The following TMEM120B variants were observed in gnomAD, a reference collection of about 807,000 sequenced individuals.
TMEM120B encodes transmembrane protein 120B.
In TMEM120B, 31 loss-of-function variants were observed where a neutral mutation model predicts 55.5. The observed-to-expected ratio is 0.56, with a 90% confidence interval of 0.42 to 0.75. TMEM120B has a LOEUF of 0.75. TMEM120B is among the 30% of genes least tolerant of loss of function. The probability of loss-of-function intolerance (pLI) is 0.00; values close to 1 mark genes in which losing one functional copy is unlikely to be tolerated. For missense variants in TMEM120B, 399 were observed against 425.5 expected, an observed-to-expected ratio of 0.94 and a Z score of 0.55; for synonymous variants, 203 against 176.3, an observed-to-expected ratio of 1.15 and a Z score of -1.20.
chr12:121,763,470 G>A (rs1260366446), intron 6 of TMEM120B, among the ~76,000 whole-genome samples: 1 of 151,756 alleles, frequency 6.6e-6, no homozygotes, highest in African/African-American at 2.4e-5. Flanking sequence ...CCGAGATGGA[G>A]TCTTGTTCTG....
intron 5 of TMEM120B, among the ~76,000 whole-genome samples, chr12:121,754,679 G>T (rs1275122647): frequency 6.6e-6 from 1 of 152,154 alleles, no homozygotes; most frequent in African/African-American, 2.4e-5. Context: ...CTAGACACTG[G>T]ATTTAGAGCC....
intron 1 of TMEM120B, among the ~76,000 whole-genome samples, chr12:121,741,424 G>T (rs1872930553): frequency 6.6e-6 from 1 of 152,122 alleles, no homozygotes; most frequent in South Asian, 2.1e-4. Context: ...GTGCCTCCCG[G>T]GTTCAAGCGA....
In TMEM120B at chr12:121,768,535, C is replaced by T. The variant is rs374654707; in HGVS notation, c.552-2372C>T. 4.1e-4 allele frequency among the ~76,000 whole-genome samples: 63 copies of T among 152,252 alleles called. No individual in the cohort carries two copies. The East Asian group carries it at 7.5e-3, about 18-fold the overall frequency. On this transcript the variant is annotated intron_variant, in intron 6 of 11. Transcript: ENST00000449592. The stretch of plus-strand genomic sequence containing the variant: ...GGAAAAAAAAGAGAAAGCACGTGGG[C>T]GTGTGTGTGGACCCATTTCCCTGCC...
intron 1 of TMEM120B, among the ~76,000 whole-genome samples, chr12:121,730,814 T>C (rs1401566559): frequency 4.0e-5 from 6 of 151,032 alleles, no homozygotes; most frequent in Non-Finnish European, 8.8e-5. Flanking sequence ...AAAAATTAGC[T>C]GGGCATGGTG....
In TMEM120B at chr12:121,776,515, C is replaced by T. The variant is rs1203858172; in HGVS notation, c.*793C>T. On this transcript the variant is annotated 3_prime_UTR_variant, in exon 12 of 12. Coordinates refer to ENST00000449592, the MANE Select transcript of TMEM120B (RefSeq NM_001080825.2). Reference sequence around the variant, plus strand: ...ACCACCTCCCCCCTCCTTCCCAGAGCTTCTGGATGTTGTGGGAGGGAGGTG... The same window carrying T: ...ACCACCTCCCCCCTCCTTCCCAGAGTTTCTGGATGTTGTGGGAGGGAGGTG... The T allele has an allele frequency of 6.6e-6, 1 of 152,278 alleles. No individual in the cohort carries two copies. Among genetic ancestry groups the T allele is most frequent in the Non-Finnish European group, 1.5e-5 (1 of 68,080 alleles). The allele number at this position is 152,278 out of a possible 1,614,324, so 9.4% of individuals were successfully genotyped here.
chr12:121,750,242 C>T, intron 3 of TMEM120B, 138 bp from the exon 4 acceptor site: 2 of 769,242 alleles, frequency 2.6e-6, no homozygotes, highest in Non-Finnish European at 4.6e-6. Context: ...TGTGGGGGCC[C>T]ATTTGCCCGC....
At chr12:121,727,499 G>A (rs573754531) in intron 1 of TMEM120B, among the ~76,000 whole-genome samples, 1 of 141,238 alleles carries the variant, frequency 7.1e-6, no homozygotes, top group African/African-American at 2.6e-5. Context: ...TTGCACCACT[G>A]CCCTTCCAGC....
intron 6 of TMEM120B, among the ~76,000 whole-genome samples, chr12:121,765,086 T>G (rs1322884268): frequency 6.6e-6 from 1 of 151,884 alleles, no homozygotes; most frequent in Admixed American, 6.6e-5. Flanking sequence ...CTCTGCCTCC[T>G]GGGAGCACCC....
rs1380024907 is a variant in TMEM120B, at chr12:121,726,421, T to C, written c.69+13457T>C. Among the ~76,000 whole-genome samples the C allele has an allele frequency of 2.7e-5, 4 of 147,202 alleles. No individual in the cohort carries two copies. The East Asian group carries it at 8.3e-4, about 30-fold the overall frequency. ...GGTGAAACCGCGTCTCTACTAAAAA[T>C]AGAAAAAATTAGCCGGGCATGGTGG... On this transcript the variant is annotated intron_variant, in intron 1 of 11. Transcript: ENST00000449592.
intron 1 of TMEM120B, among the ~76,000 whole-genome samples, chr12:121,717,751 A>G (rs1266564575): frequency 1.3e-5 from 2 of 152,134 alleles, no homozygotes; most frequent in African/African-American, 4.8e-5. Flanking sequence ...TCCGCCTTCC[A>G]GGTTCAAGCG....
chr12:121,722,768 A>G (rs1894818504), intron 1 of TMEM120B, among the ~76,000 whole-genome samples: 1 of 152,182 alleles, frequency 6.6e-6, no homozygotes, highest in Non-Finnish European at 1.5e-5. Flanking sequence ...GGCCCAAGCA[A>G]GAAGTCAATG....
intron 5 of TMEM120B, chr12:121,758,799 C>T (rs950257581): frequency 2.1e-6 from 2 of 974,652 alleles, no homozygotes; most frequent in South Asian, 4.8e-5. Flanking sequence ...GGCCTAGCCC[C>T]GTGCTGTGGT....
Position 121,775,898 on chromosome 12 carries a change from C to T in TMEM120B, c.*176C>T, listed in dbSNP as rs980756086. On this transcript the variant is annotated 3_prime_UTR_variant, in exon 12 of 12. Coordinates refer to ENST00000449592, the MANE Select transcript of TMEM120B (RefSeq NM_001080825.2). This position sits in a 1 kb window ranked among gnomAD's most constrained non-coding sequence, Gnocchi z 4.3. ...CCCCGCCTGTCCGCACAGTGTCCGC[C>T]CACCTATTTATGACATATTTAATGC... The T allele has an allele frequency of 1.9e-5, 13 of 681,266 alleles. No homozygotes were observed. Among genetic ancestry groups the T allele is most frequent in the Admixed American group, 1.5e-4 (6 of 38,832 alleles). 42.2% of individuals were successfully genotyped at this position (681,266 alleles called of 1,614,324 possible).
At chr12:121,756,861 C>T (rs572267468) in intron 5 of TMEM120B, among the ~76,000 whole-genome samples, 2 of 152,164 alleles carry the variant, frequency 1.3e-5, no homozygotes, top group African/African-American at 2.4e-5. Context: ...TGCCTCTTCC[C>T]GGCTGTGGGA....
At chr12:121,746,180 C>G (rs777107434) in intron 2 of TMEM120B, among the ~76,000 whole-genome samples, 2 of 147,384 alleles carry the variant, frequency 1.4e-5, no homozygotes, top group Admixed American at 1.4e-4. Flanking sequence ...TTTCTTAAAC[C>G]GCCCCCCCAC....
Position 121,763,955 on chromosome 12 carries a change from C to T in TMEM120B, c.551+2217C>T, listed in dbSNP as rs559113042. Among the ~76,000 whole-genome samples the T allele has an allele frequency of 2.0e-5, 3 of 152,140 alleles. No homozygotes were observed. In the South Asian group the frequency reaches 6.2e-4, roughly 32 times the overall value. On this transcript the variant is annotated intron_variant, in intron 6 of 11. Coordinates refer to ENST00000449592, the MANE Select transcript of TMEM120B (RefSeq NM_001080825.2). ...GCCTGGAGGTAAGGAGAGCCCCCCT[C>T]CTGCCTGGCCTCCTGAGGGCAACAG...
At chr12:121,772,093 C>CTCTT (rs1350524416) in intron 8 of TMEM120B, among the ~76,000 whole-genome samples, 8 of 135,154 alleles carry the variant, frequency 5.9e-5, no homozygotes, top group East Asian at 2.3e-4. Context: ...CTTTCTCTCT[C>CTCTT]TCTCTCTTTC....
chr12:121,748,172 G>A (rs1482168727), intron 2 of TMEM120B, among the ~76,000 whole-genome samples, 154 bp from the exon 3 acceptor site: 5 of 73,492 alleles, frequency 6.8e-5, no homozygotes, highest in African/African-American at 2.4e-4. Context: ...GAGGCACTGG[G>A]GTAGAAGGTG....
chr12:121,733,191 T>G (rs1333131563), intron 1 of TMEM120B, among the ~76,000 whole-genome samples: 1 of 151,852 alleles, frequency 6.6e-6, no homozygotes, highest in Admixed American at 6.6e-5. Flanking sequence ...GAAACTAGAG[T>G]ATATCTGTAG....
Sources: gnomAD v4.1 joint callset for allele counts (sites outside exome capture counted in the v4.1 genomes callset) on GRCh38, gnomAD v4.1.1 for gene constraint, Gnocchi (gnomAD v3.1) non-coding constraint, MANE v1.5 for transcripts, NCBI Gene and HGNC (gene_info 2026-07-23, HGNC 2026-07-21) for gene names.